NEMP2: variants seen among roughly 807,000 people sequenced by gnomAD.
NEMP2 encodes nuclear envelope integral membrane protein 2.
Under a neutral mutation model 54.2 loss-of-function variants are expected in NEMP2, and 53 were observed. The observed-to-expected ratio is 0.98, with a 90% CI of 0.78 to 1.23. The LOEUF is 1.23. Ranked by LOEUF, NEMP2 falls within the 50% of genes most tolerant of loss-of-function variation. NEMP2 has a pLI of 0.00. For missense variants in NEMP2, 455 were observed against 511.3 expected, an observed-to-expected ratio of 0.89 and a Z score of 1.06; for synonymous variants, 197 against 190.3, an observed-to-expected ratio of 1.04 and a Z score of -0.29.
At chr2:190,429,246 G>GTC in the NEMP2 span, among the ~76,000 whole-genome samples, 1 of 151,268 alleles carries the variant, frequency 6.6e-6, no homozygotes, top group Non-Finnish European at 1.5e-5. Context: ...GTGTGTGTGT[G>GTC]TGTATACATA....
intron 1 of NEMP2, among the ~76,000 whole-genome samples, chr2:190,526,146 G>A (rs1260006474): frequency 6.6e-6 from 1 of 152,184 alleles, no homozygotes; most frequent in Non-Finnish European, 1.5e-5. Context: ...AAAATGGCAA[G>A]GAGGATCCCA....
the NEMP2 span, chr2:190,607,786 G>C: frequency 6.6e-6 from 1 of 152,194 alleles, no homozygotes; most frequent in South Asian, 2.1e-4. The surrounding 1 kb of genome is among the most constrained non-coding windows in gnomAD (Gnocchi z 5.2). Flanking sequence ...AATTACAAAG[G>C]CTTTTCATTT....
At chr2:190,594,857 A>C in the NEMP2 span, among the ~76,000 whole-genome samples, 3 of 151,636 alleles carry the variant, frequency 2.0e-5, no homozygotes, top group African/African-American at 7.2e-5. This position sits in a 1 kb window ranked among gnomAD's most constrained non-coding sequence, Gnocchi z 5.6. Flanking sequence ...TCTGAATATT[A>C]AAGTAAATAA....
chr2:190,432,011 A>G, the NEMP2 span, among the ~76,000 whole-genome samples: 4 of 148,752 alleles, frequency 2.7e-5, no homozygotes, highest in African/African-American at 1.0e-4. Flanking sequence ...ATTTCTCTGG[A>G]CTGATAGTGT....
At chr2:190,451,055 GTCA>G in the NEMP2 span, among the ~76,000 whole-genome samples, 1 of 152,180 alleles carries the variant, frequency 6.6e-6, no homozygotes, top group Admixed American at 6.5e-5. The surrounding 1 kb of genome is among the most constrained non-coding windows in gnomAD (Gnocchi z 5.0). Context: ...CTTGACTCCA[GTCA>G]TCATCCTAAG....
At chr2:190,542,285 C>T in the NEMP2 span, among the ~76,000 whole-genome samples, 7 of 152,324 alleles carry the variant, frequency 4.6e-5, no homozygotes, top group East Asian at 1.4e-3. The surrounding 1 kb of genome is among the most constrained non-coding windows in gnomAD (Gnocchi z 4.6). Flanking sequence ...AATCTTGGCT[C>T]ACTGCAACCT....
At chr2:190,568,304 C>A in the NEMP2 span, among the ~76,000 whole-genome samples, 2 of 152,130 alleles carry the variant, frequency 1.3e-5, no homozygotes, top group Non-Finnish European at 2.9e-5. This position sits in a 1 kb window ranked among gnomAD's most constrained non-coding sequence, Gnocchi z 4.7. Context: ...AAATTAAAAT[C>A]ATTTGTTGTA....
chr2:190,617,636 T>A, the NEMP2 span, among the ~76,000 whole-genome samples: 5 of 152,352 alleles, frequency 3.3e-5, no homozygotes, highest in Non-Finnish European at 7.3e-5. This position sits in a 1 kb window ranked among gnomAD's most constrained non-coding sequence, Gnocchi z 5.0. Context: ...ACCCTATTTA[T>A]ACTGTCTAAA....
the NEMP2 span, among the ~76,000 whole-genome samples, chr2:190,421,834 A>G: frequency 6.6e-6 from 1 of 152,186 alleles, no homozygotes; most frequent in Non-Finnish European, 1.5e-5. Flanking sequence ...TATCACCTGT[A>G]TGTCTTTAAA....
chr2:190,562,508 A>G, the NEMP2 span, among the ~76,000 whole-genome samples: 1 of 152,228 alleles, frequency 6.6e-6, no homozygotes, highest in South Asian at 2.1e-4. This position sits in a 1 kb window ranked among gnomAD's most constrained non-coding sequence, Gnocchi z 5.0. Context: ...CATTCCATCC[A>G]TGTTTGCTTA....
chr2:190,592,901 A>T, the NEMP2 span, among the ~76,000 whole-genome samples: 1 of 152,182 alleles, frequency 6.6e-6, no homozygotes, highest in African/African-American at 2.4e-5. The surrounding 1 kb of genome is among the most constrained non-coding windows in gnomAD (Gnocchi z 4.4). Flanking sequence ...AAAATTTCTT[A>T]AAAATAACTG....
the NEMP2 span, among the ~76,000 whole-genome samples, chr2:190,577,142 T>C: frequency 6.6e-6 from 1 of 151,516 alleles, no homozygotes; most frequent in Admixed American, 6.6e-5. The surrounding 1 kb of genome is among the most constrained non-coding windows in gnomAD (Gnocchi z 4.8). Flanking sequence ...TGGGGAAAAA[T>C]GGAATACAGA....
chr2:190,534,055 C>T, intron 1 of NEMP2: 1 of 791,350 alleles, frequency 1.3e-6, no homozygotes, highest in Non-Finnish European at 1.5e-6. Flanking sequence ...CTCAAGGTCA[C>T]AACAGTCAGG....
intron 1 of NEMP2, 124 bp downstream of exon 1, chr2:190,534,435 A>G (rs751085015): frequency 2.3e-5 from 28 of 1,227,562 alleles, no homozygotes; most frequent in Non-Finnish European, 2.8e-5. Flanking sequence ...AAAGCGAGAA[A>G]AGGGAGCGCC....
chr2:190,600,834 C>T, the NEMP2 span, among the ~76,000 whole-genome samples: 1 of 152,088 alleles, frequency 6.6e-6, no homozygotes, highest in Admixed American at 6.6e-5. This position sits in a 1 kb window ranked among gnomAD's most constrained non-coding sequence, Gnocchi z 4.9. Flanking sequence ...ACAAAACAGA[C>T]TCAGACAGTG....
the NEMP2 span, among the ~76,000 whole-genome samples, chr2:190,638,703 G>A: frequency 1.3e-5 from 2 of 152,210 alleles, no homozygotes; most frequent in African/African-American, 4.8e-5. The surrounding 1 kb of genome is among the most constrained non-coding windows in gnomAD (Gnocchi z 5.7). Flanking sequence ...TGGGGAAGGG[G>A]TGAGGGCAGC....
the NEMP2 span, chr2:190,437,578 G>A: frequency 5.6e-6 from 9 of 1,601,168 alleles, no homozygotes; most frequent in African/African-American, 6.7e-5. The surrounding 1 kb of genome is among the most constrained non-coding windows in gnomAD (Gnocchi z 5.9). Context: ...ACATGCTTAC[G>A]ATTGCTGCCC....
the NEMP2 span, among the ~76,000 whole-genome samples, chr2:190,471,854 T>A: frequency 2.0e-5 from 3 of 152,168 alleles, no homozygotes; most frequent in Non-Finnish European, 4.4e-5. This position sits in a 1 kb window ranked among gnomAD's most constrained non-coding sequence, Gnocchi z 4.7. Context: ...AGGGGCAGAC[T>A]GATAACTCAT....
the NEMP2 span, among the ~76,000 whole-genome samples, chr2:190,574,837 CTTCT>C: frequency 8.6e-6 from 1 of 116,360 alleles, no homozygotes; most frequent in Non-Finnish European, 1.7e-5. Flanking sequence ...TCTTTCCTTC[CTTCT>C]TTTTCTTTTC....
Sources: allele counts gnomAD v4.1 joint callset (sites outside exome capture counted in the v4.1 genomes callset), GRCh38; gene constraint gnomAD v4.1.1; non-coding constraint Gnocchi (gnomAD v3.1); transcripts MANE v1.5; gene names NCBI Gene and HGNC (gene_info 2026-07-23, HGNC 2026-07-21).